Variants in EPB41 observed in about 807,000 individuals in gnomAD.
The protein encoded by EPB41 is erythrocyte membrane protein band 4.1.
A neutral mutation model predicts 108.0 loss-of-function variants in EPB41; 65 were observed. That is an observed-to-expected ratio of 0.60 (90% CI 0.49 to 0.74). The LOEUF (loss-of-function observed/expected upper bound fraction) is 0.74. EPB41 is among the 30% of genes least tolerant of loss of function. EPB41 has a pLI of 0.00. For synonymous variants in EPB41, 336 were observed against 358.9 expected (o/e 0.94, Z 0.72); for missense variants, 875 against 1,037.0 (o/e 0.84, Z 2.15).
chr1:28,953,021 G>T (rs1023364714), intron 1 of EPB41, among the ~76,000 whole-genome samples: 2 of 151,918 alleles, frequency 1.3e-5, no homozygotes, highest in Non-Finnish European at 2.9e-5. Flanking sequence ...GAGCCACTGC[G>T]CCCGGCCCAA....
At chr1:29,083,879 T>C (rs1185258254) in intron 16 of EPB41, among the ~76,000 whole-genome samples, 1 of 152,220 alleles carries the variant, frequency 6.6e-6, no homozygotes, top group Non-Finnish European at 1.5e-5. Flanking sequence ...AATTAACTGA[T>C]CTTATCAGGA....
At chr1:28,974,089 A>C (rs1248886726) in intron 1 of EPB41, among the ~76,000 whole-genome samples, 1 of 152,224 alleles carries the variant, frequency 6.6e-6, no homozygotes, top group African/African-American at 2.4e-5. Flanking sequence ...ACGTGGTTTC[A>C]AATTGCATCA....
chr1:29,061,355 C>G (rs748419073), intron 15 of EPB41, among the ~76,000 whole-genome samples: 3 of 151,928 alleles, frequency 2.0e-5, no homozygotes, highest in Non-Finnish European at 2.9e-5. Flanking sequence ...CTGCAAGCTC[C>G]GCTTCCCGGG....
intron 2 of EPB41, among the ~76,000 whole-genome samples, chr1:28,988,140 G>C (rs954132059): frequency 6.6e-5 from 10 of 152,268 alleles, no homozygotes; most frequent in African/African-American, 2.2e-4. Context: ...GCGGGTGCCT[G>C]TAATCCCAGC....
intron 1 of EPB41, among the ~76,000 whole-genome samples, chr1:28,929,843 C>CTTTTTTTT (rs56337991): frequency 4.9e-4 from 50 of 101,832 alleles, no homozygotes; most frequent in African/African-American, 1.4e-3. Flanking sequence ...ACTGGGCCTT[C>CTTTTTTTT]TTTTTTTTTT....
chr1:28,928,989 ACTT>A (rs1042221953), intron 1 of EPB41, among the ~76,000 whole-genome samples: 2 of 152,064 alleles, frequency 1.3e-5, no homozygotes, highest in Admixed American at 6.6e-5. Flanking sequence ...CATTCTCCCT[ACTT>A]CTCAGTTTCT....
chr1:29,012,408 G>GA (rs1416899887), intron 5 of EPB41, among the ~76,000 whole-genome samples: 2 of 152,066 alleles, frequency 1.3e-5, no homozygotes, highest in Admixed American at 6.6e-5. Flanking sequence ...GACTGTGGAA[G>GA]AAAAAAAGAA....
Position 29,019,277 on chromosome 1 carries a change from A to G in EPB41, c.1124+835A>G, listed in dbSNP as rs368747181. On this transcript the variant is annotated intron_variant, in intron 7 of 20. Coordinates refer to ENST00000343067, the MANE Select transcript of EPB41 (RefSeq NM_001376013.1). ...CAAATAATTTAAAAATTAGCCAGGC[A>G]TGATGGAGCACTCCTGTGGCAAGTA... 4.4e-3 allele frequency among the ~76,000 whole-genome samples: 663 copies of G among 152,270 alleles called. 4 individuals are homozygous for G. The highest frequency in any genetic ancestry group is 0.015 in the African/African-American group (630 of 41,560).
At chr1:29,073,858 T>G (rs907949061) in intron 16 of EPB41, among the ~76,000 whole-genome samples, 6 of 152,226 alleles carry the variant, frequency 3.9e-5, no homozygotes, top group Non-Finnish European at 7.3e-5. Context: ...GGAATAGATT[T>G]CCAGTTGGCA....
At chr1:29,040,075 T>C (rs1640916199) in intron 11 of EPB41, among the ~76,000 whole-genome samples, 1 of 152,006 alleles carries the variant, frequency 6.6e-6, no homozygotes, top group Non-Finnish European at 1.5e-5. Context: ...CTAATATTTT[T>C]CTGCAGTCCT....
chr1:29,101,044 G>A (rs1181908024), intron 17 of EPB41, among the ~76,000 whole-genome samples: 3 of 152,008 alleles, frequency 2.0e-5, no homozygotes, highest in Non-Finnish European at 4.4e-5. Flanking sequence ...GACCAACATG[G>A]TGAAACCCCA....
In EPB41 at chr1:29,064,902, C is replaced by A. The variant is rs538712035; in HGVS notation, c.2008-80C>A. ...ATGTGGTATGTTTTCTACCAGTGCC[C>A]AGTCTCTGACGGGTTGCCCTTGATT... On this transcript the variant is annotated intron_variant, in intron 15 of 20. Coordinates refer to ENST00000343067, the MANE Select transcript of EPB41 (RefSeq NM_001376013.1). The A allele has an allele frequency of 6.3e-6, 10 of 1,577,558 alleles. No homozygotes were observed. The East Asian group carries it at 9.0e-5, about 14-fold the overall frequency.
intron 1 of EPB41, among the ~76,000 whole-genome samples, chr1:28,916,800 T>G (rs1320694036): frequency 6.6e-6 from 1 of 152,132 alleles, no homozygotes; most frequent in Admixed American, 6.6e-5. Flanking sequence ...CAACAATTTT[T>G]TTTTTTTTTA....
intron 15 of EPB41, 52 bp from the exon 16 acceptor site, chr1:29,064,930 G>T: frequency 2.5e-6 from 4 of 1,611,102 alleles, no homozygotes; most frequent in Non-Finnish European, 3.4e-6. Flanking sequence ...CCTTGATTAT[G>T]TTCTTTGTCC....
chr1:28,932,965 T>G (rs755760339), intron 1 of EPB41, among the ~76,000 whole-genome samples: 2 of 152,208 alleles, frequency 1.3e-5, no homozygotes, highest in Admixed American at 6.5e-5. Context: ...TTTGTTAGAT[T>G]TTTAAATACC....
chr1:28,960,459 G>C (rs1422800803), intron 1 of EPB41, among the ~76,000 whole-genome samples: 1 of 151,466 alleles, frequency 6.6e-6, no homozygotes, highest in East Asian at 2.0e-4. Flanking sequence ...CAGGCATAGT[G>C]GCTCATGCCT....
chr1:28,901,731 G>A (rs984129989), intron 1 of EPB41, among the ~76,000 whole-genome samples: 17 of 151,564 alleles, frequency 1.1e-4, no homozygotes, highest in Admixed American at 5.9e-4. Flanking sequence ...ACAGGGTTTC[G>A]CCATGTTGAC....
chr1:28,909,479 A>C (rs765351444), intron 1 of EPB41, among the ~76,000 whole-genome samples: 51 of 151,652 alleles, frequency 3.4e-4, no homozygotes, highest in Non-Finnish European at 6.6e-4. Flanking sequence ...TGAAAAAATA[A>C]ATAAATAATA....
chr1:28,990,337 C>CTTCCTTCCT lies in EPB41; in HGVS notation c.468+2433_468+2434insTCCTTCCTT. 7.8e-5 allele frequency among the ~76,000 whole-genome samples: 3 copies of CTTCCTTCCT among 38,330 alleles called. 1 individual carries two copies. The East Asian group carries it at 1.8e-3, about 23-fold the overall frequency. The allele number at this position is 38,330 out of a possible 152,430, so 25.1% of individuals were successfully genotyped here. On this transcript the variant is annotated intron_variant, in intron 2 of 20. Coordinates refer to ENST00000343067, the MANE Select transcript of EPB41 (RefSeq NM_001376013.1). ...CTTCCTTCCTTCCTTCCTTCCTTCC[C>CTTCCTTCCT]TCCCTCCCTCCCTCCCTCCCTTCCT...
Sources: gnomAD v4.1 joint callset for allele counts (sites outside exome capture counted in the v4.1 genomes callset) on GRCh38, gnomAD v4.1.1 for gene constraint, MANE v1.5 for transcripts, NCBI Gene and HGNC (gene_info 2026-07-23, HGNC 2026-07-21) for gene names.